DIP2C: variants seen among roughly 807,000 people sequenced by gnomAD.
DIP2C encodes the protein DIP2 acetate--CoA ligase C (putative).
DIP2C carries 33 observed loss-of-function variants against 192.4 expected under a neutral mutation model. The observed-to-expected ratio is 0.17, with a 90% confidence interval of 0.13 to 0.23. The LOEUF is 0.23. Among genes scored for constraint, DIP2C ranks in the 10% least tolerant of loss-of-function variants. DIP2C has a pLI of 1.00. For missense variants in DIP2C, 1,537 were observed against 2,110.1 expected (o/e 0.73, Z 5.32); for synonymous variants, 979 against 864.1 (o/e 1.13, Z -2.33).
rs141619977 is a variant in DIP2C at position 616,432 on chromosome 10, T to G, written c.85+73062A>C. On this transcript the variant is annotated intron_variant, in intron 1 of 36. Coordinates refer to ENST00000280886, the MANE Select transcript of DIP2C (RefSeq NM_014974.3). ...TTTGTTCATAAAAGATTTTCTTATT[T>G]TAGGAATTTTTAAATCCATGGTCTG... 6.1e-3 allele frequency among the ~76,000 whole-genome samples: 935 copies of G among 152,332 alleles called. 10 individuals are homozygous for G. The highest frequency in any genetic ancestry group is 0.021 in the African/African-American group (880 of 41,568).
Position 419,128 on chromosome 10 carries a change from C to A in DIP2C, c.676G>T (p.Gly226Cys). The A allele has an allele frequency of 1.9e-6, 3 of 1,614,294 alleles. No homozygotes were observed. The highest frequency in any genetic ancestry group is 2.5e-6 in the Non-Finnish European group (3 of 1,180,056). Residue 226 changes from glycine to cysteine, a missense_variant, in exon 6 of 37, where the codon GGT (glycine) becomes TGT (cysteine). By Grantham distance (159) the Gly-to-Cys change is radical. This residue lies in a region of DIP2C where 473 missense variants were observed against 539.6 expected (regional missense o/e 0.88). Transcript: ENST00000280886. ...GGCGCTGTCCGGGACCCCGTGGAAC[C>A]CTGCGGTCTCTCCACCTGTATCGAG... ...EHSIQVERPQ[G>C]STGSRTAPKY...
At chr10:490,231 T>C (rs574587159) in intron 1 of DIP2C, among the ~76,000 whole-genome samples, 34 of 152,324 alleles carry the variant, frequency 2.2e-4, no homozygotes, top group African/African-American at 8.2e-4. Context: ...CATTTCACAT[T>C]GGTTCAGGCT....
chr10:655,925 A>G (rs1213388804), intron 1 of DIP2C, among the ~76,000 whole-genome samples: 1 of 57,096 alleles, frequency 1.8e-5, no homozygotes, highest in Non-Finnish European at 3.7e-5. Context: ...ACTATACTAT[A>G]TGTTACACTA....
intron 1 of DIP2C, among the ~76,000 whole-genome samples, chr10:583,880 C>T (rs1336126304): frequency 6.6e-6 from 1 of 152,248 alleles, no homozygotes; most frequent in Admixed American, 6.5e-5. Flanking sequence ...CCAGACGCCA[C>T]TTCTCCAAGA....
Position 308,436 on chromosome 10 carries a change from C to G in DIP2C, c.3986+1595G>C, listed in dbSNP as rs970466391. Among the ~76,000 whole-genome samples, 33 of 152,168 alleles carry G rather than the reference C, an allele frequency of 2.2e-4. 3 individuals are homozygous for G. Among genetic ancestry groups the G allele is most frequent in the African/African-American group, 7.5e-4 (31 of 41,420 alleles). On this transcript the variant is annotated intron_variant, in intron 32 of 36. Coordinates refer to ENST00000280886, the MANE Select transcript of DIP2C (RefSeq NM_014974.3). ...TACGCTTTGAGGGCCAGGCCACAGA[C>G]AGAACTGCATACATGTGTTATTGAT...
chr10:670,809 G>A (rs565436126), intron 1 of DIP2C, among the ~76,000 whole-genome samples: 2 of 152,278 alleles, frequency 1.3e-5, no homozygotes, highest in South Asian at 4.2e-4. Context: ...TTGAGACTAT[G>A]TCTTCCTCAA....
intron 35 of DIP2C, among the ~76,000 whole-genome samples, chr10:281,556 C>T (rs1954820967): frequency 6.6e-6 from 1 of 152,248 alleles, no homozygotes; most frequent in South Asian, 2.1e-4. Flanking sequence ...GCCCTCTACA[C>T]TTGTGCTTTG....
Position 408,945 on chromosome 10 carries a change from A to G in DIP2C, c.1130T>C (p.Met377Thr), listed in dbSNP as rs1222289157. 1 of 1,614,232 alleles carries G rather than the reference A, an allele frequency of 6.2e-7. No individual in the cohort carries two copies. The change falls in exon 9 of 37, where the codon ATG becomes ACG. Residue 377 changes from methionine (M) to threonine (T), a missense_variant. By Grantham distance (81) the Met-to-Thr change is moderately conservative. Around this residue, in one of 4 missense-constraint regions of DIP2C, gnomAD observed 473 missense variants for 539.6 expected, o/e 0.88. Coordinates refer to ENST00000280886, the MANE Select transcript of DIP2C (RefSeq NM_014974.3). The stretch of plus-strand genomic sequence containing the variant: ...ACTTACCCTATCTCCAGGCCGGACC[A>G]TGGGTTCCTGCTTTGTGCCTAATTT... ...LHKLGTKQEP[M>T]VRPGDRVALV...
chr10:429,870 G>A (rs116839449), intron 4 of DIP2C, among the ~76,000 whole-genome samples: 1,707 of 152,178 alleles, frequency 0.011, 36 homozygotes, highest in African/African-American at 0.039. Flanking sequence ...GTATGTAGAC[G>A]TAAGTTTTCA....
intron 1 of DIP2C, among the ~76,000 whole-genome samples, chr10:490,299 C>G (rs1261724348): frequency 6.6e-6 from 1 of 152,252 alleles, no homozygotes; most frequent in Non-Finnish European, 1.5e-5. Context: ...TCCATCAGGG[C>G]ATGTGGTCAT....
chr10:548,067 T>A (rs945029565), intron 1 of DIP2C, among the ~76,000 whole-genome samples: 2 of 152,214 alleles, frequency 1.3e-5, no homozygotes, highest in Non-Finnish European at 2.9e-5. Flanking sequence ...GTGCTTGTGT[T>A]GCCTCATTGG....
chr10:519,353 G>C (rs1398723025), intron 1 of DIP2C, among the ~76,000 whole-genome samples: 1 of 152,264 alleles, frequency 6.6e-6, no homozygotes, highest in Admixed American at 6.5e-5. Context: ...CCGGGGGCTG[G>C]ATGGGTCATG....
chr10:275,151 A>G lies in DIP2C; in HGVS notation c.*2174T>C, dbSNP rs1954448037. The G allele has an allele frequency of 6.6e-6, 1 of 152,230 alleles. No homozygotes were observed. Among genetic ancestry groups the G allele is most frequent in the Non-Finnish European group, 1.5e-5 (1 of 68,062 alleles). 9.4% of individuals were successfully genotyped at this position (152,230 alleles called of 1,614,324 possible). On this transcript the variant is annotated 3_prime_UTR_variant, in exon 37 of 37. Transcript: ENST00000280886. ...AAATTATGTTTGAAGTGACATCTAC[A>G]TTTGTTTTGCTTCCTGACTTCAGCT...
intron 1 of DIP2C, among the ~76,000 whole-genome samples, chr10:555,850 A>C (rs966499056): frequency 3.0e-4 from 46 of 152,170 alleles, no homozygotes; most frequent in African/African-American, 1.1e-3. Context: ...CCACGGGAGG[A>C]ACACCCATCT....
intron 10 of DIP2C, among the ~76,000 whole-genome samples, chr10:397,209 G>C (rs1344800573): frequency 4.6e-5 from 7 of 152,164 alleles, no homozygotes; most frequent in Non-Finnish European, 8.8e-5. Flanking sequence ...AGCTGGAAGA[G>C]TCACCCACAC....
intron 29 of DIP2C, chr10:340,995 G>A (rs907337641): frequency 1.4e-6 from 1 of 721,222 alleles, no homozygotes; most frequent in Non-Finnish European, 2.5e-6. Flanking sequence ...CTTCCCTGCT[G>A]CAGAAAGTCA....
chr10:585,629 T>TA (rs778834393), intron 1 of DIP2C, among the ~76,000 whole-genome samples: 21 of 152,108 alleles, frequency 1.4e-4, no homozygotes, highest in Non-Finnish European at 2.4e-4. Context: ...CCAAATCCCC[T>TA]AAACCAGGAA....
chr10:319,416 T>C (rs1057295001), intron 31 of DIP2C, among the ~76,000 whole-genome samples: 7 of 152,236 alleles, frequency 4.6e-5, no homozygotes, highest in Non-Finnish European at 8.8e-5. Flanking sequence ...TTTATGTTTT[T>C]TTCCTAATAA....
At chr10:594,006 T>C (rs1462622617) in intron 1 of DIP2C, among the ~76,000 whole-genome samples, 2 of 152,326 alleles carry the variant, frequency 1.3e-5, no homozygotes, top group East Asian at 1.9e-4. Context: ...GTGGAACCAG[T>C]GCCAACCAAT....
Sources: allele counts gnomAD v4.1 joint callset (sites outside exome capture counted in the v4.1 genomes callset), GRCh38; gene constraint gnomAD v4.1.1; regional missense constraint gnomAD v4.1.1; transcripts MANE v1.5; gene names NCBI Gene and HGNC (gene_info 2026-07-23, HGNC 2026-07-21).